RELN: variants seen among roughly 807,000 people sequenced by gnomAD.
RELN encodes the protein reelin.
RELN carries 108 observed loss-of-function variants against 427.6 expected under a neutral mutation model. That is an observed-to-expected ratio of 0.25 (90% confidence interval 0.22 to 0.30). The LOEUF is 0.30. Ranked by LOEUF, RELN falls within the 10% of genes least tolerant of loss-of-function variation. The probability of loss-of-function intolerance (pLI) is 1.00; values close to 1 mark genes in which losing one functional copy is unlikely to be tolerated. For missense variants in RELN, 3,715 were observed against 4,302.8 expected, an observed-to-expected ratio of 0.86 and a Z score of 3.82; for synonymous variants, 1,524 against 1,513.4, an observed-to-expected ratio of 1.01 and a Z score of -0.16.
chr7:103,778,347 G>T (rs2116219143), intron 3 of RELN, among the ~76,000 whole-genome samples: 1 of 152,270 alleles, frequency 6.6e-6, no homozygotes, highest in South Asian at 2.1e-4. Flanking sequence ...CGTGACATTT[G>T]CTTTGGAAGG....
intron 50 of RELN, among the ~76,000 whole-genome samples, chr7:103,512,457 C>A (rs1484942113): frequency 6.6e-6 from 1 of 152,056 alleles, no homozygotes; most frequent in Non-Finnish European, 1.5e-5. Flanking sequence ...TTTAATAAGT[C>A]TTGACTCCTA....
chr7:103,575,415 T>C (rs1460288888), intron 29 of RELN, 133 bp downstream of exon 29: 2 of 1,056,314 alleles, frequency 1.9e-6, no homozygotes, highest in African/African-American at 3.1e-5. Context: ...GCCTGGGTTG[T>C]GAATTCCTAC....
intron 22 of RELN, among the ~76,000 whole-genome samples, chr7:103,607,289 T>C (rs940056877): frequency 6.6e-6 from 1 of 152,152 alleles, no homozygotes; most frequent in African/African-American, 2.4e-5. Flanking sequence ...GTGCTAATGT[T>C]AATTAAGAGA....
intron 40 of RELN, 44 bp downstream of exon 40, chr7:103,553,417 C>G: frequency 6.9e-7 from 1 of 1,439,076 alleles, no homozygotes; most frequent in Non-Finnish European, 9.8e-7. Flanking sequence ...AGGTTTTGTT[C>G]AATATAAAAT....
At chr7:103,821,078 A>G (rs1162259659) in intron 3 of RELN, among the ~76,000 whole-genome samples, 1 of 152,194 alleles carries the variant, frequency 6.6e-6, no homozygotes. Flanking sequence ...TCACAAGCTC[A>G]TCTTGCCCTT....
chr7:103,764,210 T>C (rs906567074), intron 4 of RELN, among the ~76,000 whole-genome samples: 2 of 152,216 alleles, frequency 1.3e-5, no homozygotes, highest in African/African-American at 2.4e-5. Flanking sequence ...CTAGCCACTA[T>C]GCTATGCACT....
intron 2 of RELN, among the ~76,000 whole-genome samples, chr7:103,847,919 A>G (rs39393): frequency 0.37 from 56,238 of 152,042 alleles, 10,791 homozygotes; most frequent in Non-Finnish European, 0.42. Flanking sequence ...CTGGACAGGT[A>G]GCCAGCATGT....
intron 12 of RELN, among the ~76,000 whole-genome samples, chr7:103,657,636 AC>A (rs1388392369): frequency 6.6e-6 from 1 of 152,110 alleles, no homozygotes; most frequent in African/African-American, 2.4e-5. Context: ...TGAGAGCCAC[AC>A]CCAGCCCAGA....
Position 103,835,954 on chromosome 7 carries a change from C to CTTTTTTTTTTT in RELN, c.338-2293_338-2283dup, listed in dbSNP as rs10569884. Among the ~76,000 whole-genome samples, 26 of 142,432 alleles carry CTTTTTTTTTTT rather than the reference C, an allele frequency of 1.8e-4. 2 individuals are homozygous for CTTTTTTTTTTT. Among genetic ancestry groups the CTTTTTTTTTTT allele is most frequent in the African/African-American group, 6.5e-4 (25 of 38,558 alleles). 93.4% of individuals were successfully genotyped at this position (142,432 alleles called of 152,430 possible). A position where few individuals can be genotyped will look rare whatever the true frequency, so the allele number is the denominator to read the frequency against. On this transcript the variant is annotated intron_variant, in intron 2 of 64. Coordinates refer to ENST00000428762, the MANE Select transcript of RELN (RefSeq NM_005045.4). Reference sequence around the variant, plus strand: ...TCTCTTTACAAAACTCTCAATTACCCTTTTTTTTTTTTTTTTTTATAGGCG... The same window carrying CTTTTTTTTTTT: ...TCTCTTTACAAAACTCTCAATTACCCTTTTTTTTTTTTTTTTTTTTTTTTTTTTTATAGGCG...
chr7:103,551,943 G>GCA (rs1830421457), intron 40 of RELN, among the ~76,000 whole-genome samples: 1 of 131,652 alleles, frequency 7.6e-6, no homozygotes, highest in Admixed American at 7.2e-5. Flanking sequence ...GTGTGGGTGT[G>GCA]TGTGTGTGTG....
intron 45 of RELN, among the ~76,000 whole-genome samples, chr7:103,538,068 T>C (rs1255553128): frequency 6.6e-6 from 1 of 152,280 alleles, no homozygotes; most frequent in East Asian, 1.9e-4. Context: ...ACCTTCTACT[T>C]TTCTGTCTTC....
At chr7:103,770,474 G>A (rs917468350) in intron 4 of RELN, among the ~76,000 whole-genome samples, 4 of 152,068 alleles carry the variant, frequency 2.6e-5, no homozygotes, top group African/African-American at 9.7e-5. Flanking sequence ...CTCCCACACT[G>A]CAACAAGCAC....
chr7:103,918,251 C>T (rs947318749), intron 1 of RELN, among the ~76,000 whole-genome samples: 1 of 152,118 alleles, frequency 6.6e-6, no homozygotes, highest in Non-Finnish European at 1.5e-5. Flanking sequence ...ACCTTCTCAT[C>T]CTTTAACAAG....
At chr7:103,674,254 A>G (rs1409937394) in intron 11 of RELN, among the ~76,000 whole-genome samples, 1 of 152,204 alleles carries the variant, frequency 6.6e-6, no homozygotes, top group Non-Finnish European at 1.5e-5. Context: ...TCTTCCTCAT[A>G]AAATTTGTTC....
At chr7:103,809,574 C>T (rs777289454) in intron 3 of RELN, among the ~76,000 whole-genome samples, 1 of 151,982 alleles carries the variant, frequency 6.6e-6, no homozygotes, top group Non-Finnish European at 1.5e-5. Flanking sequence ...GAAAACAAAG[C>T]AAGTGAAAAG....
At chr7:103,576,806 A>C (rs1831013280) in intron 28 of RELN, among the ~76,000 whole-genome samples, 1 of 152,230 alleles carries the variant, frequency 6.6e-6, no homozygotes, top group African/African-American at 2.4e-5. Context: ...AGTACTTCAA[A>C]ACCCTGGAAC....
chr7:103,749,553 A>G, intron 5 of RELN, 49 bp from the exon 6 acceptor site: 1 of 1,332,956 alleles, frequency 7.5e-7, no homozygotes, highest in African/African-American at 1.4e-5. Context: ...ACAACAGTAC[A>G]TTTAGCTAAA....
rs532261556 is a variant in RELN, at chr7:103,965,682, T to G, written c.226+23449A>C. ...TAACACATTTATTTGCATATTTCCCTGTTTATCTGGTTGGATCAATCCAAT... is the reference window on the plus strand; with the variant it reads ...TAACACATTTATTTGCATATTTCCCGGTTTATCTGGTTGGATCAATCCAAT... On this transcript the variant is annotated intron_variant, in intron 1 of 64. Coordinates refer to ENST00000428762, the MANE Select transcript of RELN (RefSeq NM_005045.4). 2.6e-5 allele frequency among the ~76,000 whole-genome samples: 4 copies of G among 152,350 alleles called. No individual in the cohort carries two copies. The South Asian group carries it at 8.3e-4, about 32-fold the overall frequency.
intron 12 of RELN, among the ~76,000 whole-genome samples, chr7:103,660,886 T>C (rs1467841874): frequency 2.0e-5 from 3 of 152,212 alleles, no homozygotes; most frequent in East Asian, 3.9e-4. Flanking sequence ...CTATAACTTA[T>C]GAACACATGT....
Sources: gnomAD v4.1 joint callset for allele counts (sites outside exome capture counted in the v4.1 genomes callset) on GRCh38, gnomAD v4.1.1 for gene constraint, MANE v1.5 for transcripts, NCBI Gene and HGNC (gene_info 2026-07-23, HGNC 2026-07-21) for gene names.